Variants in ADAMTS19 observed in about 807,000 individuals in gnomAD.
ADAMTS19 encodes A disintegrin and metalloproteinase with thrombospondin motifs 19.
A neutral mutation model predicts 153.3 loss-of-function variants in ADAMTS19; 93 were observed. That is an observed-to-expected ratio of 0.61 (90% CI 0.51 to 0.72). ADAMTS19 has a LOEUF of 0.72. ADAMTS19 is among the 30% of genes least tolerant of loss of function. ADAMTS19 has a pLI of 0.00. For missense variants in ADAMTS19, 1,482 were observed against 1,552.1 expected (o/e 0.95, Z 0.76); for synonymous variants, 600 against 556.6 (o/e 1.08, Z -1.10).
At chr5:129,555,146 G>C (rs1581079709) in intron 7 of ADAMTS19, among the ~76,000 whole-genome samples, 2 of 152,000 alleles carry the variant, frequency 1.3e-5, no homozygotes, top group African/African-American at 4.8e-5. Context: ...AAAGAGAAAG[G>C]GAAGAAGTGG....
intron 4 of ADAMTS19, 176 bp downstream of exon 4, chr5:129,526,632 A>G (rs577859042): frequency 1.9e-4 from 106 of 553,726 alleles, no homozygotes; most frequent in African/African-American, 1.8e-3. Flanking sequence ...AGCAATATCA[A>G]AATAAAAATT....
At chr5:129,469,876 A>G (rs1750003664) in intron 2 of ADAMTS19, among the ~76,000 whole-genome samples, 1 of 152,290 alleles carries the variant, frequency 6.6e-6, no homozygotes, top group East Asian at 1.9e-4. Flanking sequence ...CCAGTTTAGC[A>G]TTAGAGTGGC....
rs780750953 is a variant in ADAMTS19 at position 129,597,075 on chromosome 5, G to A, written c.1478+411G>A. Among the ~76,000 whole-genome samples the A allele has an allele frequency of 5.3e-4, 81 of 152,142 alleles. 1 individual carries two copies. The highest frequency in any genetic ancestry group is 1.6e-3 in the African/African-American group (68 of 41,512). On this transcript the variant is annotated intron_variant, in intron 8 of 22. Coordinates refer to ENST00000274487, the MANE Select transcript of ADAMTS19 (RefSeq NM_133638.6). ...CAGGCATAAGTGAAGGAATTAACCC[G>A]CATGGTTTAGATATAATGTATTTGA...
At chr5:129,533,541 C>A (rs1243321854) in intron 6 of ADAMTS19, among the ~76,000 whole-genome samples, 1 of 152,046 alleles carries the variant, frequency 6.6e-6, no homozygotes, top group African/African-American at 2.4e-5. Context: ...TTTCAAAAAC[C>A]CAGCTCCTGG....
chr5:129,526,833 G>A (rs1402863871), intron 4 of ADAMTS19, among the ~76,000 whole-genome samples: 2 of 151,456 alleles, frequency 1.3e-5, no homozygotes, highest in East Asian at 3.9e-4. Context: ...GTACATAGTA[G>A]ATGTATATAT....
chr5:129,489,404 TC>T (rs1334363591), intron 2 of ADAMTS19, among the ~76,000 whole-genome samples: 1 of 152,122 alleles, frequency 6.6e-6, no homozygotes, highest in Non-Finnish European at 1.5e-5. Context: ...AGTTTGGTCT[TC>T]CAGTGCCACA....
intron 2 of ADAMTS19, among the ~76,000 whole-genome samples, chr5:129,475,479 T>G (rs1386161610): frequency 6.6e-6 from 1 of 152,236 alleles, no homozygotes; most frequent in African/African-American, 2.4e-5. Context: ...TTATGTAGCT[T>G]ATAATATTTT....
chr5:129,689,947 G>T (rs1581230227), intron 18 of ADAMTS19, among the ~76,000 whole-genome samples: 1 of 152,220 alleles, frequency 6.6e-6, no homozygotes, highest in South Asian at 2.1e-4. Flanking sequence ...AACTGGATTT[G>T]CCATAAGAAG....
At chr5:129,703,988 T>C (rs26206) in intron 20 of ADAMTS19, among the ~76,000 whole-genome samples, 44,126 of 152,088 alleles carry the variant, frequency 0.29, 6,489 homozygotes, top group Middle Eastern at 0.4. Flanking sequence ...ATCCCTGTTA[T>C]ATTACTCTCT....
At chr5:129,643,319 A>C (rs1454231892) in intron 11 of ADAMTS19, among the ~76,000 whole-genome samples, 2 of 144,364 alleles carry the variant, frequency 1.4e-5, no homozygotes, top group African/African-American at 2.6e-5. Context: ...CCGAGACTGC[A>C]CCACTGCACT....
Position 129,461,351 on chromosome 5 carries a change from C to A in ADAMTS19, c.341C>A (p.Pro114Gln). ...GAGTCCCGGCTCCGGCCCCCGCCGC[C>A]GTCGGAGGGTGAGGAGGACGAGGAG... is the stretch of plus-strand genomic sequence containing the variant. ...RSESRLRPPP[P>Q]SEGEEDEELE... Residue 114 changes from proline (P) to glutamine (Q), a missense_variant, in exon 2 of 23, where the codon CCG becomes CAG. Around this residue, in one of 2 missense-constraint regions of ADAMTS19, gnomAD observed 866 missense variants for 827.7 expected, o/e 1.05. Transcript: ENST00000274487. The surrounding 1 kb of genome is among the most constrained non-coding windows in gnomAD (Gnocchi z 4.6). 7.5e-7 allele frequency: 1 copy of A among 1,333,658 alleles called. No individual in the cohort carries two copies. Among genetic ancestry groups the A allele is most frequent in the Non-Finnish European group, 9.5e-7 (1 of 1,051,356 alleles). The allele number at this position is 1,333,658 out of a possible 1,614,324, so 82.6% of individuals were successfully genotyped here.
At chr5:129,554,143 T>C (rs936041324) in intron 7 of ADAMTS19, among the ~76,000 whole-genome samples, 1 of 152,236 alleles carries the variant, frequency 6.6e-6, no homozygotes, top group South Asian at 2.1e-4. Flanking sequence ...TACCACTCCA[T>C]CATATAAAAA....
intron 12 of ADAMTS19, 128 bp from the exon 13 acceptor site, chr5:129,648,670 G>A: frequency 3.3e-6 from 2 of 602,082 alleles, no homozygotes; most frequent in South Asian, 3.4e-5. Context: ...ATCATTTAAT[G>A]TGTCCAAGTT....
chr5:129,591,512 CG>C (rs1750132940), intron 7 of ADAMTS19, among the ~76,000 whole-genome samples: 1 of 151,818 alleles, frequency 6.6e-6, no homozygotes. Context: ...AGGGTGGTCT[CG>C]AACTCCTGAC....
At chr5:129,583,477 T>G (rs912266729) in intron 7 of ADAMTS19, among the ~76,000 whole-genome samples, 3 of 152,134 alleles carry the variant, frequency 2.0e-5, no homozygotes, top group Admixed American at 2.0e-4. Context: ...GTTGGGGAAG[T>G]TCTCCTGGAT....
chr5:129,714,420 C>T (rs1440075894), intron 21 of ADAMTS19, among the ~76,000 whole-genome samples: 2 of 91,686 alleles, frequency 2.2e-5, no homozygotes, highest in East Asian at 5.8e-4. Flanking sequence ...AGCGAGACTC[C>T]GTCTCAAAAA....
At chr5:129,562,831 T>G (rs954172439) in intron 7 of ADAMTS19, among the ~76,000 whole-genome samples, 1 of 152,156 alleles carries the variant, frequency 6.6e-6, no homozygotes, top group African/African-American at 2.4e-5. Context: ...TATGATGCTC[T>G]GACTCTCCAG....
chr5:129,622,438 G>A (rs893732654), intron 10 of ADAMTS19, 90 bp downstream of exon 10: 4 of 1,413,994 alleles, frequency 2.8e-6, no homozygotes, highest in African/African-American at 1.4e-5. Context: ...AGGGTTTGTG[G>A]ATCAAAAGCA....
intron 6 of ADAMTS19, among the ~76,000 whole-genome samples, chr5:129,545,266 A>G (rs1221867212): frequency 6.6e-6 from 1 of 152,188 alleles, no homozygotes; most frequent in Non-Finnish European, 1.5e-5. Context: ...TATGGTATGT[A>G]TACTTAAAAT....
Sources: allele counts gnomAD v4.1 joint callset (sites outside exome capture counted in the v4.1 genomes callset), GRCh38; gene constraint gnomAD v4.1.1; regional missense constraint gnomAD v4.1.1; non-coding constraint Gnocchi (gnomAD v3.1); transcripts MANE v1.5; gene names NCBI Gene and HGNC (gene_info 2026-07-23, HGNC 2026-07-21).